FAM156A: variants seen among roughly 807,000 people sequenced by gnomAD.
The protein encoded by FAM156A is protein FAM156A/FAM156B.
chrX:52,991,408 C>T (rs928245217), intron 1 of FAM156A, among the ~76,000 whole-genome samples: 25 of 111,320 alleles, frequency 2.2e-4, no homozygotes, highest in African/African-American at 6.5e-4. Context: ...TACCTGTGCC[C>T]TCGAGGGATC....
At position 52,977,738 on chromosome X, in the gene FAM156A, C is replaced by G. The variant is rs377091914; in HGVS notation, c.-433-13503G>C. Among the ~76,000 whole-genome samples the G allele has an allele frequency of 1.6e-4, 18 of 111,508 alleles. 1 individual carries two copies. The East Asian group carries it at 2.3e-3, about 14-fold the overall frequency. The stretch of plus-strand genomic sequence containing the variant: ...GGTGTGAGCCATCATGCCTAGCCAA[C>G]AATAAACATTAATGGTAGAAGTAAT... On this transcript the variant is annotated intron_variant, in intron 1 of 4. Transcript: ENST00000610625.
chrX:52,977,388 T>C (rs1050673864), intron 1 of FAM156A, among the ~76,000 whole-genome samples: 2 of 110,840 alleles, frequency 1.8e-5, no homozygotes, highest in Admixed American at 9.8e-5. Flanking sequence ...CATCTTCTCA[T>C]GATTTAGCTC....
At chrX:52,989,857 C>T (rs1189898620) in intron 1 of FAM156A, among the ~76,000 whole-genome samples, 3 of 112,375 alleles carry the variant, frequency 2.7e-5, no homozygotes, top group Non-Finnish European at 5.6e-5. Context: ...CCTCAGGACT[C>T]GCCAACCTAT....
chrX:52,990,762 C>T lies in FAM156A; in HGVS notation c.-434+4544G>A, dbSNP rs782808005. Reference sequence around the variant, plus strand: ...TCGCTCCACTGCACTCCAGAGTGGGCGATAGAGTGAGACTGTCAAGAAAAG... The same window carrying T: ...TCGCTCCACTGCACTCCAGAGTGGGTGATAGAGTGAGACTGTCAAGAAAAG... On this transcript the variant is annotated intron_variant, in intron 1 of 4. Coordinates refer to the FAM156A transcript ENST00000610625. Among the ~76,000 whole-genome samples the T allele has an allele frequency of 1.8e-4, 15 of 84,215 alleles. No individual in the cohort carries two copies. The Admixed American group carries it at 2.0e-3, about 11-fold the overall frequency. The allele number at this position is 84,215 out of a possible 115,157, so 73.1% of individuals were successfully genotyped here. A position where few individuals can be genotyped will look rare whatever the true frequency, so the allele number is the denominator to read the frequency against.
intron 1 of FAM156A, among the ~76,000 whole-genome samples, chrX:52,979,192 G>T (rs1556792925): frequency 9.0e-6 from 1 of 111,695 alleles, no homozygotes; most frequent in Non-Finnish European, 1.9e-5. Flanking sequence ...GGACTTTTGA[G>T]AAGGCCTCAC....
intron 1 of FAM156A, among the ~76,000 whole-genome samples, chrX:52,994,151 C>T (rs1394332071): frequency 9.1e-6 from 1 of 110,167 alleles, no homozygotes; most frequent in Non-Finnish European, 1.9e-5. Flanking sequence ...AGCTCAGATA[C>T]TCAAAGACAT....
chrX:52,980,563 C>G (rs1397364527), intron 1 of FAM156A, among the ~76,000 whole-genome samples: 1 of 111,657 alleles, frequency 9.0e-6, no homozygotes, highest in Non-Finnish European at 1.9e-5. Context: ...AGAAAGAGGG[C>G]AGGGAACACT....
At chrX:52,993,508 G>A (rs948015032) in intron 1 of FAM156A, among the ~76,000 whole-genome samples, 6 of 103,642 alleles carry the variant, frequency 5.8e-5, no homozygotes, top group Admixed American at 2.2e-4. Context: ...TCCGCCTCCC[G>A]GGTTCAAGCA....
At chrX:52,980,782 CTGTGTGTGTGTGTGTGTGTGTGTG>C (rs1156303085) in intron 1 of FAM156A, among the ~76,000 whole-genome samples, 63 of 38,451 alleles carry the variant, frequency 1.6e-3, no homozygotes, top group South Asian at 5.9e-3. Context: ...TAGGGTTCCT[CTGTGTGTGTGTGTGTGTGTGTGTG>C]TGTGTGTGTG....
intron 1 of FAM156A, among the ~76,000 whole-genome samples, chrX:52,984,363 C>T (rs925222753): frequency 2.7e-5 from 3 of 112,058 alleles, no homozygotes; most frequent in Admixed American, 9.5e-5. Context: ...GCCAAGATTC[C>T]AGACTTCCAG....
At chrX:52,981,740 C>A (rs1556793442) in intron 1 of FAM156A, among the ~76,000 whole-genome samples, 1 of 111,194 alleles carries the variant, frequency 9.0e-6, no homozygotes, top group East Asian at 2.8e-4. Context: ...CCCCTAGTTG[C>A]AGCTCTGTCA....
At chrX:52,981,085 C>CTACTGAT (rs2146607289) in intron 1 of FAM156A, among the ~76,000 whole-genome samples, 1 of 108,375 alleles carries the variant, frequency 9.2e-6, no homozygotes, top group African/African-American at 3.4e-5. Context: ...TACTCAAAGT[C>CTACTGAT]TACTGATTTT....
intron 1 of FAM156A, among the ~76,000 whole-genome samples, chrX:52,983,732 C>T (rs1556793851): frequency 8.9e-6 from 1 of 112,184 alleles, no homozygotes; most frequent in Non-Finnish European, 1.9e-5. Flanking sequence ...GCTGTGCTCC[C>T]ACCCCACAAT....
intron 1 of FAM156A, among the ~76,000 whole-genome samples, chrX:52,988,372 C>T (rs1930461186): frequency 9.6e-6 from 1 of 104,568 alleles, no homozygotes; most frequent in East Asian, 2.8e-4. Context: ...CTGGAAAAGA[C>T]AATAGTATAG....
chrX:52,975,479 T>C (rs1410403727), intron 1 of FAM156A, among the ~76,000 whole-genome samples: 20 of 111,760 alleles, frequency 1.8e-4, no homozygotes, highest in Non-Finnish European at 2.6e-4. Flanking sequence ...TGTGCACTAG[T>C]AATGTAATAG....
chrX:52,984,860 C>T (rs1233851721), intron 1 of FAM156A, among the ~76,000 whole-genome samples: 6 of 108,226 alleles, frequency 5.5e-5, no homozygotes, highest in Non-Finnish European at 9.6e-5. Flanking sequence ...CAGAGTGAGA[C>T]TCTGTCTCAA....
chrX:52,979,216 C>T (rs1030331127), intron 1 of FAM156A, among the ~76,000 whole-genome samples: 1 of 111,334 alleles, frequency 9.0e-6, no homozygotes, highest in Non-Finnish European at 1.9e-5. Flanking sequence ...TCCTACTGGC[C>T]TTTCTCCTTG....
At chrX:52,982,668 C>A in intron 1 of FAM156A, among the ~76,000 whole-genome samples, 1 of 111,140 alleles carries the variant, frequency 9.0e-6, no homozygotes, top group East Asian at 2.8e-4. Flanking sequence ...GATCTTTTCT[C>A]TGAAATGGTC....
chrX:52,980,848 G>GTGTT, intron 1 of FAM156A, among the ~76,000 whole-genome samples: 1 of 79,929 alleles, frequency 1.3e-5, no homozygotes, highest in Non-Finnish European at 2.5e-5. Context: ...GTGTGTGTGT[G>GTGTT]TGTAGAGGGA....
Sources: allele counts gnomAD v4.1 joint callset (sites outside exome capture counted in the v4.1 genomes callset), GRCh38; gene constraint gnomAD v4.1.1; transcripts MANE v1.5; gene names NCBI Gene and HGNC (gene_info 2026-07-23, HGNC 2026-07-21).